Variants in SH3RF1 observed in about 807,000 individuals in gnomAD.
SH3RF1 encodes the protein SH3 domain containing ring finger 1, also known as E3 ubiquitin-protein ligase SH3RF1.
Under a neutral mutation model 74.0 loss-of-function variants are expected in SH3RF1, and 32 were observed. The observed-to-expected ratio is 0.43, with a 90% CI of 0.33 to 0.58. SH3RF1 has a LOEUF of 0.58. SH3RF1 is among the 20% of genes least tolerant of loss of function. The pLI, the probability that SH3RF1 is intolerant of heterozygous loss-of-function variation, is 0.05. For missense variants in SH3RF1, 954 were observed against 1,130.9 expected (o/e 0.84, Z 2.24); for synonymous variants, 396 against 439.6 (o/e 0.90, Z 1.24).
chr4:169,158,105 T>C (rs1734090311), intron 2 of SH3RF1, among the ~76,000 whole-genome samples: 2 of 152,226 alleles, frequency 1.3e-5, no homozygotes, highest in African/African-American at 4.8e-5. Flanking sequence ...AGACAGTTCT[T>C]TTCTTAAAGG....
intron 10 of SH3RF1, among the ~76,000 whole-genome samples, chr4:169,107,722 C>T (rs745372377): frequency 2.0e-5 from 3 of 152,226 alleles, no homozygotes; most frequent in Non-Finnish European, 4.4e-5. Context: ...CTCTATTCCA[C>T]AGGCATGGAC....
At position 169,117,669 on chromosome 4, in the gene SH3RF1, T is replaced by A. The variant is rs1467992761; in HGVS notation, c.1631A>T (p.Gln544Leu). The change falls in exon 9 of 12, where the codon CAG becomes CTG. Residue 544 changes from glutamine to leucine, a missense_variant. Physicochemically the swap from Gln to Leu is moderately radical, Grantham distance 113. Around this residue, in one of 3 missense-constraint regions of SH3RF1, gnomAD observed 854 missense variants for 962.5 expected, o/e 0.89. Coordinates refer to ENST00000284637, the MANE Select transcript of SH3RF1 (RefSeq NM_020870.4). Reference protein sequence around the residue: ...STAGGPAQKLQGNGVAGSPSV... With the variant: ...STAGGPAQKLLGNGVAGSPSV... ...GGGACTCCCAGCCACGCCATTTCCC[T>A]GGAGCTTCTGGGCAGGCCCTCCTGC... The A allele has an allele frequency of 6.2e-7, 1 of 1,614,156 alleles. No individual in the cohort carries two copies. Among genetic ancestry groups the A allele is most frequent in the Non-Finnish European group, 8.5e-7 (1 of 1,180,012 alleles).
intron 2 of SH3RF1, among the ~76,000 whole-genome samples, chr4:169,164,194 C>A (rs990533592): frequency 1.3e-5 from 2 of 152,136 alleles, no homozygotes; most frequent in Admixed American, 1.3e-4. Flanking sequence ...TCCTGGAGAC[C>A]TGGGACTATG....
At chr4:169,189,947 T>C (rs1734671906) in intron 2 of SH3RF1, among the ~76,000 whole-genome samples, 1 of 152,068 alleles carries the variant, frequency 6.6e-6, no homozygotes, top group South Asian at 2.1e-4. Context: ...TGCAAATACA[T>C]GGAAATTAAA....
chr4:169,102,915 C>CTTTTTTTT lies in SH3RF1; in HGVS notation c.2498+3924_2498+3931dup, dbSNP rs66574732. On this transcript the variant is annotated intron_variant, in intron 11 of 11. Transcript: ENST00000284637. Reference sequence around the variant, plus strand: ...CAGCACCGGCTGCCCCAGTCACATTCTTTTTTTTTTTTTTTTTTTTTTTTG... The same window carrying CTTTTTTTT: ...CAGCACCGGCTGCCCCAGTCACATTCTTTTTTTTTTTTTTTTTTTTTTTTTTTTTTTTG... Among the ~76,000 whole-genome samples, 63 of 66,872 alleles carry CTTTTTTTT rather than the reference C, an allele frequency of 9.4e-4. 1 individual carries two copies. Among genetic ancestry groups the CTTTTTTTT allele is most frequent in the Admixed American group, 1.3e-3 (5 of 3,916 alleles). The allele number at this position is 66,872 out of a possible 152,430, so 43.9% of individuals were successfully genotyped here. A position where few individuals can be genotyped will look rare whatever the true frequency, so the allele number is the denominator to read the frequency against.
intron 2 of SH3RF1, among the ~76,000 whole-genome samples, chr4:169,180,735 T>C (rs1304253959): frequency 6.6e-6 from 1 of 152,216 alleles, no homozygotes; most frequent in East Asian, 1.9e-4. Flanking sequence ...TTATATCAGA[T>C]TACTGTGTAC....
chr4:169,097,013 T>C (rs1732942548), intron 11 of SH3RF1, among the ~76,000 whole-genome samples: 1 of 152,162 alleles, frequency 6.6e-6, no homozygotes, highest in Non-Finnish European at 1.5e-5. Flanking sequence ...CCGAGAGGGG[T>C]ATCATTTCTA....
chr4:169,258,769 CTA>C (rs1731229484), intron 2 of SH3RF1, among the ~76,000 whole-genome samples: 1 of 152,032 alleles, frequency 6.6e-6, no homozygotes, highest in Admixed American at 6.6e-5. Context: ...AATGTTTATT[CTA>C]TGTGTTTGTT....
chr4:169,256,753 T>C (rs1438235244), intron 2 of SH3RF1, among the ~76,000 whole-genome samples: 1 of 151,978 alleles, frequency 6.6e-6, no homozygotes, highest in Non-Finnish European at 1.5e-5. Context: ...CATGCCACCA[T>C]GCCCAGCTAA....
intron 6 of SH3RF1, among the ~76,000 whole-genome samples, chr4:169,129,184 A>G (rs1380179007): frequency 1.3e-5 from 2 of 152,176 alleles, no homozygotes; most frequent in African/African-American, 4.8e-5. Flanking sequence ...TACTAGGGCA[A>G]TCTAATTTAA....
chr4:169,205,272 G>A (rs1205877211), intron 2 of SH3RF1, among the ~76,000 whole-genome samples: 3 of 152,162 alleles, frequency 2.0e-5, no homozygotes, highest in African/African-American at 7.2e-5. Context: ...TGCTTTTTGT[G>A]TGTTAGGGTA....
chr4:169,163,053 G>A (rs1264717727), intron 2 of SH3RF1, among the ~76,000 whole-genome samples: 2 of 151,500 alleles, frequency 1.3e-5, no homozygotes, highest in Non-Finnish European at 2.9e-5. Context: ...CAGCAGCCTT[G>A]CTGTTTTGCG....
chr4:169,234,320 C>A (rs1408991809), intron 2 of SH3RF1, among the ~76,000 whole-genome samples: 1 of 151,944 alleles, frequency 6.6e-6, no homozygotes, highest in Non-Finnish European at 1.5e-5. Context: ...ACCCTCCCCA[C>A]CCCCCAAAAA....
intron 2 of SH3RF1, among the ~76,000 whole-genome samples, chr4:169,248,783 G>C (rs539855473): frequency 2.7e-4 from 41 of 152,240 alleles, no homozygotes; most frequent in South Asian, 8.3e-4. Flanking sequence ...GACAACAAAG[G>C]CTACTCCAGA....
chr4:169,257,465 GTAGAGGA>G (rs1279960464), intron 2 of SH3RF1, among the ~76,000 whole-genome samples: 2 of 152,076 alleles, frequency 1.3e-5, no homozygotes, highest in Non-Finnish European at 2.9e-5. Context: ...ATGTCCCAGG[GTAGAGGA>G]TAAACGACAT....
rs1398848450 is a variant in SH3RF1 at position 169,262,632 on chromosome 4, C to T, written c.393+6188G>A. On this transcript the variant is annotated intron_variant, in intron 2 of 11. Coordinates refer to ENST00000284637, the MANE Select transcript of SH3RF1 (RefSeq NM_020870.4). ...CAGTGAGCTGAGATCTCACCATCGCCCTCCAGCCTGGGTGACAGAGTGAGA... is the reference window on the plus strand; with the variant it reads ...CAGTGAGCTGAGATCTCACCATCGCTCTCCAGCCTGGGTGACAGAGTGAGA... Among the ~76,000 whole-genome samples, 4 of 152,008 alleles carry T rather than the reference C, an allele frequency of 2.6e-5. No homozygotes were observed. In the East Asian group the frequency reaches 5.8e-4, roughly 22 times the overall value.
chr4:169,199,930 T>C (rs995685550), intron 2 of SH3RF1, among the ~76,000 whole-genome samples: 1 of 152,152 alleles, frequency 6.6e-6, no homozygotes, highest in African/African-American at 2.4e-5. Flanking sequence ...GTATGCTCTT[T>C]ATAAGAGGCA....
At chr4:169,180,438 G>T (rs1475045563) in intron 2 of SH3RF1, among the ~76,000 whole-genome samples, 1 of 152,100 alleles carries the variant, frequency 6.6e-6, no homozygotes, top group Non-Finnish European at 1.5e-5. Context: ...TGCCACAACC[G>T]GAGGAATTTT....
chr4:169,103,825 A>ATC, intron 11 of SH3RF1, among the ~76,000 whole-genome samples: 1 of 152,328 alleles, frequency 6.6e-6, no homozygotes, highest in South Asian at 2.1e-4. Flanking sequence ...GGATTATAAA[A>ATC]ATATAAACTT....
Sources: allele counts gnomAD v4.1 joint callset (sites outside exome capture counted in the v4.1 genomes callset), GRCh38; gene constraint gnomAD v4.1.1; regional missense constraint gnomAD v4.1.1; transcripts MANE v1.5; gene names NCBI Gene and HGNC (gene_info 2026-07-23, HGNC 2026-07-21).